Variants in RASA3 observed in about 807,000 individuals in gnomAD.
RASA3 encodes the protein RAS p21 protein activator 3.
A neutral mutation model predicts 110.0 loss-of-function variants in RASA3; 73 were observed. The observed-to-expected ratio is 0.66, with a 90% confidence interval of 0.55 to 0.81. The LOEUF is 0.81. RASA3 is among the 30% of genes least tolerant of loss of function. RASA3 has a pLI of 0.00. For missense variants in RASA3, 976 were observed against 1,113.2 expected (o/e 0.88, Z 1.75); for synonymous variants, 500 against 451.4 (o/e 1.11, Z -1.37).
At chr13:114,125,942 G>GT (rs1236853922) in intron 1 of RASA3, among the ~76,000 whole-genome samples, 83 of 107,488 alleles carry the variant, frequency 7.7e-4, no homozygotes, top group Non-Finnish European at 1.2e-3. Context: ...GGCACCTGCT[G>GT]CCCAACCTCG....
At chr13:114,017,101 C>T in intron 12 of RASA3, 136 bp downstream of exon 12, 2 of 732,128 alleles carry the variant, frequency 2.7e-6, no homozygotes, top group South Asian at 1.6e-5. Context: ...AATGAATCAG[C>T]ATCCCCGTGG....
chr13:114,040,141 G>A (rs1030483097), intron 4 of RASA3, among the ~76,000 whole-genome samples: 5 of 152,250 alleles, frequency 3.3e-5, no homozygotes, highest in Admixed American at 6.5e-5. Context: ...GACAAAGGGC[G>A]GCAGTAGGCA....
rs760089612 is a variant in RASA3, at chr13:113,981,875, G to A, written c.2246-17C>T. The A allele has an allele frequency of 2.4e-5, 39 of 1,610,024 alleles. No homozygotes were observed. In the East Asian group the frequency reaches 8.0e-4, roughly 33 times the overall value. The stretch of plus-strand genomic sequence containing the variant: ...CACAGGCCTCTGTGGAGGGCGGAGG[G>A]GTCAGCGCAGGGCAGGAGCCCAGGC... On this transcript the variant is annotated splice_polypyrimidine_tract_variant and intron_variant, in intron 22 of 23. Transcript: ENST00000334062.
rs188639704 is a variant in RASA3, at chr13:114,114,465, C to G, written c.55+17970G>C. On this transcript the variant is annotated intron_variant, in intron 1 of 23. Transcript: ENST00000334062. The surrounding 1 kb of genome is among the most constrained non-coding windows in gnomAD (Gnocchi z 4.8). ...AACTAATCAGCAAATGCTCCTTGCA[C>G]ATTTCCTAGCTCTGTCAGCCAAAGT... is the stretch of plus-strand genomic sequence containing the variant. 2.6e-5 allele frequency among the ~76,000 whole-genome samples: 4 copies of G among 152,200 alleles called. No individual in the cohort carries two copies. The highest frequency in any genetic ancestry group is 4.4e-5 in the Non-Finnish European group (3 of 68,044).
chr13:113,979,996 CCCCT>C (rs1305955632), intron 23 of RASA3, among the ~76,000 whole-genome samples: 4 of 148,556 alleles, frequency 2.7e-5, no homozygotes, highest in African/African-American at 7.5e-5. Context: ...TGTGTGTGCA[CCCCT>C]CCGTGTGTAC....
At position 113,991,947 on chromosome 13, in the gene RASA3, ACACACT is replaced by A. The variant is rs757908044; in HGVS notation, c.2245+532_2245+537del. Among the ~76,000 whole-genome samples the A allele has an allele frequency of 8.6e-3, 1,306 of 151,568 alleles. 23 individuals are homozygous for A. Among genetic ancestry groups the A allele is most frequent in the African/African-American group, 0.03 (1,229 of 41,288 alleles). ...ATACATGTCATGTCCATACATTCAC[ACACACT>A]CACACACGTCCATTCATGCACTCAC... On this transcript the variant is annotated intron_variant, in intron 22 of 23. Coordinates refer to ENST00000334062, the MANE Select transcript of RASA3 (RefSeq NM_007368.4).
At chr13:114,017,424 C>G (rs556357489) in intron 11 of RASA3, 73 bp from the exon 12 acceptor site, 116 of 1,162,008 alleles carry the variant, frequency 1.0e-4, no homozygotes, top group South Asian at 2.9e-5. Context: ...AGCCTGGCCC[C>G]GAGCACCTGC....
chr13:113,994,668 T>C (rs1023593734), intron 21 of RASA3, among the ~76,000 whole-genome samples: 2 of 152,076 alleles, frequency 1.3e-5, no homozygotes, highest in Admixed American at 6.6e-5. Flanking sequence ...ACCCCGTCTC[T>C]ACAAAAAACC....
At chr13:114,051,303 C>T (rs533280196) in intron 3 of RASA3, among the ~76,000 whole-genome samples, 1 of 152,342 alleles carries the variant, frequency 6.6e-6, no homozygotes, top group Non-Finnish European at 1.5e-5. Flanking sequence ...TGAGCTCAGG[C>T]GCCACAGGAC....
intron 1 of RASA3, among the ~76,000 whole-genome samples, chr13:114,083,070 T>C (rs1310789371): frequency 2.0e-5 from 3 of 152,228 alleles, no homozygotes; most frequent in Non-Finnish European, 1.5e-5. Context: ...CATTAAAACA[T>C]TTCTCCCACT....
Position 113,977,874 on chromosome 13 carries a change from C to T in RASA3, c.*1473G>A, listed in dbSNP as rs1051061494. On this transcript the variant is annotated 3_prime_UTR_variant, in exon 24 of 24. Coordinates refer to ENST00000334062, the MANE Select transcript of RASA3 (RefSeq NM_007368.4). The stretch of plus-strand genomic sequence containing the variant: ...AAACAGAAACATTAAGTTATAAATC[C>T]ATGTTAAAAATTGCAGCTCAGTGCA... 1 of 152,390 alleles carries T rather than the reference C, an allele frequency of 6.6e-6. No individual in the cohort carries two copies. Among genetic ancestry groups the T allele is most frequent in the Admixed American group, 6.5e-5 (1 of 15,280 alleles). The allele number at this position is 152,390 out of a possible 1,614,324, so 9.4% of individuals were successfully genotyped here. A position where few individuals can be genotyped will look rare whatever the true frequency, so the allele number is the denominator to read the frequency against.
intron 5 of RASA3, among the ~76,000 whole-genome samples, chr13:114,028,494 GA>G (rs2054078383): frequency 6.6e-6 from 1 of 150,712 alleles, no homozygotes; most frequent in African/African-American, 2.4e-5. Context: ...TGTCATCTGG[GA>G]GCCAGGACCT....
chr13:114,119,331 G>A (rs2139783609), intron 1 of RASA3, among the ~76,000 whole-genome samples: 1 of 152,346 alleles, frequency 6.6e-6, no homozygotes, highest in East Asian at 1.9e-4. Context: ...AGCAGGAAAT[G>A]ATGGAGAGAG....
chr13:114,091,422 G>A (rs2079888597), intron 1 of RASA3, among the ~76,000 whole-genome samples: 1 of 151,820 alleles, frequency 6.6e-6, no homozygotes, highest in East Asian at 1.9e-4. Context: ...TTTTTGTCAT[G>A]AGGGATGCTG....
chr13:114,039,534 T>C (rs943610433), intron 4 of RASA3, among the ~76,000 whole-genome samples: 1 of 152,150 alleles, frequency 6.6e-6, no homozygotes, highest in Non-Finnish European at 1.5e-5. Context: ...TGGTCCCAGC[T>C]GAGGACCCAC....
intron 22 of RASA3, among the ~76,000 whole-genome samples, chr13:113,982,895 G>T (rs1214232156): frequency 6.6e-6 from 1 of 152,228 alleles, no homozygotes. Flanking sequence ...AGTTAAACCA[G>T]CACTGCTACG....
In RASA3 at chr13:114,096,591, C is replaced by T. The variant is rs2079947682; in HGVS notation, c.56-22754G>A. On this transcript the variant is annotated intron_variant, in intron 1 of 23. Coordinates refer to ENST00000334062, the MANE Select transcript of RASA3 (RefSeq NM_007368.4). The surrounding 1 kb of genome is among the most constrained non-coding windows in gnomAD (Gnocchi z 5.1). Reference sequence around the variant, plus strand: ...TCCAGCCTGGAATAACCCGATTGCTCCTATGGGAACAACTGCTCCTTTCCA... The same window carrying T: ...TCCAGCCTGGAATAACCCGATTGCTTCTATGGGAACAACTGCTCCTTTCCA... Among the ~76,000 whole-genome samples, 1 of 152,162 alleles carries T rather than the reference C, an allele frequency of 6.6e-6. No homozygotes were observed. Among genetic ancestry groups the T allele is most frequent in the African/African-American group, 2.4e-5 (1 of 41,438 alleles).
intron 16 of RASA3, among the ~76,000 whole-genome samples, chr13:114,010,643 G>GCGCCA (rs1206206147): frequency 8.6e-6 from 1 of 115,668 alleles, no homozygotes; most frequent in African/African-American, 3.5e-5. Context: ...TGGGGAGGAA[G>GCGCCA]CGCCACGTGG....
chr13:114,009,651 C>T (rs1037045142), intron 16 of RASA3, among the ~76,000 whole-genome samples, 187 bp from the exon 17 acceptor site: 10 of 152,372 alleles, frequency 6.6e-5, no homozygotes, highest in South Asian at 4.1e-4. Context: ...ATCGCTCAGG[C>T]GCCAACGAAG....
Sources: allele counts gnomAD v4.1 joint callset (sites outside exome capture counted in the v4.1 genomes callset), GRCh38; gene constraint gnomAD v4.1.1; non-coding constraint Gnocchi (gnomAD v3.1); transcripts MANE v1.5; gene names NCBI Gene and HGNC (gene_info 2026-07-23, HGNC 2026-07-21).